COL4A6: variants seen among roughly 807,000 people sequenced by gnomAD.
COL4A6 encodes the protein collagen type IV alpha 6 chain, also known as collagen alpha-6(IV) chain.
COL4A6 carries 59 observed loss-of-function variants against 126.7 expected under a neutral mutation model. That is an observed-to-expected ratio of 0.47 (90% CI 0.38 to 0.58). The LOEUF (loss-of-function observed/expected upper bound fraction) is 0.58. Ranked by LOEUF, COL4A6 falls within the 20% of genes least tolerant of loss-of-function variation. COL4A6 has a pLI of 0.00. For synonymous variants in COL4A6, 547 were observed against 496.6 expected (o/e 1.10, Z -1.35); for missense variants, 1,285 against 1,337.3 (o/e 0.96, Z 0.61).
At chrX:108,366,408 G>T (rs1381725245) in intron 2 of COL4A6, among the ~76,000 whole-genome samples, 3 of 112,190 alleles carry the variant, frequency 2.7e-5, no homozygotes, top group Non-Finnish European at 5.6e-5. Flanking sequence ...CTGAAAAGGG[G>T]CACTTATGAA....
chrX:108,375,689 T>C (rs773212014), intron 2 of COL4A6, among the ~76,000 whole-genome samples: 1 of 109,015 alleles, frequency 9.2e-6, no homozygotes, highest in African/African-American at 3.3e-5. Context: ...TTTTTTTTTT[T>C]TTTTTTCTAT....
chrX:108,270,728 G>A (rs1007584717), intron 3 of COL4A6, among the ~76,000 whole-genome samples: 6 of 111,996 alleles, frequency 5.4e-5, no homozygotes, highest in African/African-American at 1.9e-4. Context: ...TTTTTCAAAG[G>A]TTTACACAAA....
intron 3 of COL4A6, among the ~76,000 whole-genome samples, chrX:108,281,811 G>T (rs2037840539): frequency 9.1e-6 from 1 of 110,375 alleles, no homozygotes; most frequent in South Asian, 4.0e-4. Flanking sequence ...TAGATCAATG[G>T]AACACAACAG....
intron 26 of COL4A6, 117 bp from the exon 27 acceptor site, chrX:108,178,962 G>T: frequency 1.2e-6 from 1 of 863,094 alleles, no homozygotes. Flanking sequence ...CAGCCTTGTT[G>T]CTATTCCCAG....
At chrX:108,368,910 A>T (rs1358825975) in intron 2 of COL4A6, among the ~76,000 whole-genome samples, 1 of 111,401 alleles carries the variant, frequency 9.0e-6, no homozygotes, top group African/African-American at 3.3e-5. Context: ...ACCTCCTATG[A>T]TAACAATGCC....
At chrX:108,184,428 A>G (rs1350735928) in intron 23 of COL4A6, among the ~76,000 whole-genome samples, 1 of 111,468 alleles carries the variant, frequency 9.0e-6, no homozygotes, top group African/African-American at 3.3e-5. Context: ...TCTGAGAGGT[A>G]ATTAGGTTGT....
At chrX:108,426,800 C>A (rs140550283) in intron 2 of COL4A6, among the ~76,000 whole-genome samples, 1,665 of 111,871 alleles carry the variant, frequency 0.015, 26 homozygotes, top group African/African-American at 0.052. Flanking sequence ...AATGATTTGT[C>A]CTAAGGCCGT....
At chrX:108,211,177 C>T (rs1381342031) in intron 7 of COL4A6, among the ~76,000 whole-genome samples, 1 of 111,667 alleles carries the variant, frequency 9.0e-6, no homozygotes, top group Non-Finnish European at 1.9e-5. Flanking sequence ...AGATTCCAGC[C>T]AGCCTCAGGG....
intron 3 of COL4A6, among the ~76,000 whole-genome samples, chrX:108,227,404 C>T (rs1231920661): frequency 1.8e-5 from 2 of 111,469 alleles, no homozygotes; most frequent in Non-Finnish European, 3.8e-5. Flanking sequence ...CATGAAACAG[C>T]CCTTGGGAGA....
intron 23 of COL4A6, among the ~76,000 whole-genome samples, chrX:108,182,016 C>T (rs2034700927): frequency 8.9e-6 from 1 of 112,404 alleles, no homozygotes; most frequent in African/African-American, 3.2e-5. Flanking sequence ...AACTCGCTGG[C>T]ATCCTCCCCT....
intron 21 of COL4A6, among the ~76,000 whole-genome samples, chrX:108,188,234 C>T (rs991554068): frequency 6.3e-5 from 7 of 111,975 alleles, no homozygotes; most frequent in Non-Finnish European, 1.1e-4. Context: ...TAAACCTCAC[C>T]TTAATTCCTA....
chrX:108,406,544 C>T (rs1265036348), intron 2 of COL4A6, among the ~76,000 whole-genome samples: 1 of 111,926 alleles, frequency 8.9e-6, no homozygotes, highest in African/African-American at 3.2e-5. Context: ...CCTGGCACTT[C>T]ATGCCTCTCT....
chrX:108,279,362 A>C (rs751147949), intron 3 of COL4A6, among the ~76,000 whole-genome samples: 1 of 111,552 alleles, frequency 9.0e-6, no homozygotes, highest in South Asian at 3.8e-4. Flanking sequence ...GATAAAACAC[A>C]CTTTAAACCA....
chrX:108,279,457 T>C (rs2037730779), intron 3 of COL4A6, among the ~76,000 whole-genome samples: 1 of 111,977 alleles, frequency 8.9e-6, no homozygotes, highest in South Asian at 3.8e-4. Context: ...CCTAAATATA[T>C]ATGCACCCAA....
At chrX:108,188,800 C>T in intron 20 of COL4A6, 123 bp from the exon 21 acceptor site, 8 of 699,601 alleles carry the variant, frequency 1.1e-5, no homozygotes, top group Non-Finnish European at 1.2e-5. Flanking sequence ...TTGCAGAGAA[C>T]ACACTCAAAT....
At position 108,406,261 on chromosome X, in the gene COL4A6, G is replaced by A. The variant is rs765455591; in HGVS notation, c.63+31681C>T. Among the ~76,000 whole-genome samples the A allele has an allele frequency of 1.8e-4, 20 of 111,939 alleles. No individual in the cohort carries two copies. The East Asian group carries it at 2.5e-3, about 14-fold the overall frequency. On this transcript the variant is annotated intron_variant, in intron 2 of 44. Transcript: ENST00000334504. ...GCTGGGATTATAGGTGTGAGCCAGC[G>A]CACCAAGCCCATGAATCTGTTTTTT...
At chrX:108,294,440 G>A (rs1455133209) in intron 3 of COL4A6, among the ~76,000 whole-genome samples, 1 of 103,509 alleles carries the variant, frequency 9.7e-6, no homozygotes, top group African/African-American at 3.5e-5. Context: ...TGTATGTGGT[G>A]TAGGTAGGCA....
chrX:108,369,530 A>G (rs1462859476), intron 2 of COL4A6, among the ~76,000 whole-genome samples: 1 of 111,959 alleles, frequency 8.9e-6, no homozygotes, highest in Non-Finnish European at 1.9e-5. Context: ...GCAACCCAGA[A>G]CTATCACTGT....
At chrX:108,419,982 G>T (rs1186419113) in intron 2 of COL4A6, among the ~76,000 whole-genome samples, 2 of 111,699 alleles carry the variant, frequency 1.8e-5, no homozygotes, top group African/African-American at 3.2e-5. Context: ...AGGAGCAATG[G>T]AACAAGAATG....
Sources: gnomAD v4.1 joint callset for allele counts (sites outside exome capture counted in the v4.1 genomes callset) on GRCh38, gnomAD v4.1.1 for gene constraint, MANE v1.5 for transcripts, NCBI Gene and HGNC (gene_info 2026-07-23, HGNC 2026-07-21) for gene names.